MS4A3: variants seen among roughly 807,000 people sequenced by gnomAD.
MS4A3 encodes membrane spanning 4-domains A3, also known as membrane-spanning 4-domains subfamily A member 3.
In MS4A3, 18 loss-of-function variants were observed where a neutral mutation model predicts 24.7. The observed-to-expected ratio is 0.73, with a 90% CI of 0.50 to 1.08. The LOEUF (loss-of-function observed/expected upper bound fraction) is 1.08. MS4A3 is among the 50% of genes least tolerant of loss of function. MS4A3 has a pLI of 0.00. For missense variants in MS4A3, 282 were observed against 251.7 expected (o/e 1.12, Z -0.82); for synonymous variants, 84 against 95.3 (o/e 0.88, Z 0.69).
intron 1 of MS4A3, among the ~76,000 whole-genome samples, chr11:60,060,659 GAAT>G (rs1855257893): frequency 3.3e-5 from 5 of 151,950 alleles, no homozygotes; most frequent in Admixed American, 3.3e-4. Flanking sequence ...TGTGAAACGG[GAAT>G]AATAATAATA....
At chr11:60,069,416 C>G (rs1196285147) in intron 5 of MS4A3, 158 bp from the exon 6 acceptor site, 1 of 516,296 alleles carries the variant, frequency 1.9e-6, no homozygotes, top group African/African-American at 1.9e-5. Flanking sequence ...GAGATACTAT[C>G]TCTTCTACAG....
At chr11:60,069,378 A>G (rs1029584124) in intron 5 of MS4A3, among the ~76,000 whole-genome samples, 196 bp from the exon 6 acceptor site, 2 of 152,228 alleles carry the variant, frequency 1.3e-5, no homozygotes, top group African/African-American at 4.8e-5. Flanking sequence ...CTTTCTCATT[A>G]GAGAAAATGT....
chr11:60,064,009 G>A (rs1392507847), intron 3 of MS4A3, among the ~76,000 whole-genome samples: 1 of 151,414 alleles, frequency 6.6e-6, no homozygotes, highest in Non-Finnish European at 1.5e-5. Context: ...CCCCAATAAC[G>A]TATGGAAATA....
intron 1 of MS4A3, among the ~76,000 whole-genome samples, chr11:60,057,797 T>A (rs1387782682): frequency 6.6e-6 from 1 of 152,194 alleles, no homozygotes; most frequent in South Asian, 2.1e-4. Context: ...TTCTCCCTGA[T>A]TATTTTGATT....
chr11:60,061,771 A>G (rs1404403799), intron 2 of MS4A3, among the ~76,000 whole-genome samples: 1 of 152,172 alleles, frequency 6.6e-6, no homozygotes, highest in African/African-American at 2.4e-5. Flanking sequence ...CCAAACCCCA[A>G]TGTTGTTCAA....
chr11:60,064,425 T>G, intron 4 of MS4A3, 107 bp downstream of exon 4: 1 of 683,284 alleles, frequency 1.5e-6, no homozygotes, highest in South Asian at 2.6e-5. Context: ...CTGAGTATCA[T>G]TTAATGCACA....
intron 1 of MS4A3, among the ~76,000 whole-genome samples, chr11:60,057,841 G>T (rs1288370957): frequency 6.6e-6 from 1 of 152,148 alleles, no homozygotes; most frequent in Non-Finnish European, 1.5e-5. Context: ...AATATGGTTA[G>T]ATATTTGCTC....
Position 60,069,620 on chromosome 11 carries a change from T to G in MS4A3, c.560T>G (p.Val187Gly), listed in dbSNP as rs1219015215. 4.3e-6 allele frequency: 7 copies of G among 1,613,706 alleles called. No individual in the cohort carries two copies. Among genetic ancestry groups the G allele is most frequent in the Non-Finnish European group, 5.9e-6 (7 of 1,179,760 alleles). ...ATTCTCACCTTGCTGGAATTATGCG[T>G]AACCATCTCTACCATAGCCATGTGG... Reference protein sequence around the residue: ...LLILTLLELCVTISTIAMWCN... With the variant: ...LLILTLLELCGTISTIAMWCN... The change falls in exon 6 of 7, where the codon GTA becomes GGA. Residue 187 changes from valine (V) to glycine (G), a missense_variant. Val to Gly is a moderately radical substitution (Grantham distance 109, BLOSUM62 -3). Coordinates refer to ENST00000278865, the MANE Select transcript of MS4A3 (RefSeq NM_006138.5).
At position 60,070,321 on chromosome 11, in the gene MS4A3, C is replaced by T. The variant is rs1855454850; in HGVS notation, c.*88C>T. On this transcript the variant is annotated 3_prime_UTR_variant, in exon 7 of 7. Coordinates refer to ENST00000278865, the MANE Select transcript of MS4A3 (RefSeq NM_006138.5). ...AGCTTCACCCACAAACTCAGGAGAA[C>T]ATAAGCCTGCTCGTAAAGCTCAATC... 1 of 1,074,338 alleles carries T rather than the reference C, an allele frequency of 9.3e-7. No homozygotes were observed. The highest frequency in any genetic ancestry group is 1.9e-5 in the Admixed American group (1 of 51,662). 66.6% of individuals were successfully genotyped at this position (1,074,338 alleles called of 1,614,324 possible).
intron 1 of MS4A3, among the ~76,000 whole-genome samples, chr11:60,056,946 G>A (rs951324918): frequency 1.3e-5 from 2 of 152,156 alleles, no homozygotes; most frequent in African/African-American, 2.4e-5. Context: ...TAATAATACA[G>A]CAATTTCTTT....
Position 60,061,289 on chromosome 11 carries a change from T to A in MS4A3, c.129T>A (p.Tyr43Ter). 6.2e-7 allele frequency: 1 copy of A among 1,610,966 alleles called. No homozygotes were observed. The highest frequency in any genetic ancestry group is 8.5e-7 in the Non-Finnish European group (1 of 1,179,214). The change falls in exon 2 of 7, where the codon TAT becomes TAA. Residue 43 changes from tyrosine to a stop codon, truncating the protein, a stop_gained. Coordinates refer to ENST00000278865, the MANE Select transcript of MS4A3 (RefSeq NM_006138.5). LOFTEE classifies it high-confidence loss of function. ...VYQPIDGSPDYQKAKLQVLGA... is the reference protein window; with the variant it reads ...VYQPIDGSPD ...AGCCCATAGATGGATCACCAGATTA[T>A]CAGAAAGCAAAATTACAAGTTCTTG...
At position 60,070,701 on chromosome 11, in the gene MS4A3, T is replaced by G. The variant is rs1051803747; in HGVS notation, c.*468T>G. ...TGCTTCTTGACTTTAACATCAGCAT[T>G]ATAAAAAGTGTCAAATAAAAAATTA... On this transcript the variant is annotated 3_prime_UTR_variant, in exon 7 of 7. Coordinates refer to ENST00000278865, the MANE Select transcript of MS4A3 (RefSeq NM_006138.5). 7 of 152,770 alleles carry G rather than the reference T, an allele frequency of 4.6e-5. No individual in the cohort carries two copies. Among genetic ancestry groups the G allele is most frequent in the African/African-American group, 1.7e-4 (7 of 41,464 alleles). The allele number at this position is 152,770 out of a possible 1,614,324, so 9.5% of individuals were successfully genotyped here.
chr11:60,067,985 G>A (rs1323394681), intron 5 of MS4A3, among the ~76,000 whole-genome samples: 2 of 151,986 alleles, frequency 1.3e-5, no homozygotes, highest in Admixed American at 1.3e-4. Context: ...CCGGGAGGCG[G>A]AGGTTGCGGT....
chr11:60,064,272 C>A lies in MS4A3; in HGVS notation c.305C>A (p.Ser102Ter). The A allele has an allele frequency of 6.2e-7, 1 of 1,604,424 alleles. No homozygotes were observed. The highest frequency in any genetic ancestry group is 1.1e-5 in the South Asian group (1 of 89,242). ...CCTATTTTCAAACAGTTCTGTAGTT[C>A]AGGAACCTTGTCTGTTGTAGCAGGG... ...PIWGAVFFCS[S>*]GTLSVVAGIK... Residue 102 changes from serine (S) to a stop codon, truncating the protein, a stop_gained, in exon 4 of 7, where the codon TCA (serine) becomes TAA (stop). Transcript: ENST00000278865. LOFTEE classifies it high-confidence loss of function.
chr11:60,067,813 C>T (rs1048413607), intron 5 of MS4A3, among the ~76,000 whole-genome samples: 1 of 151,010 alleles, frequency 6.6e-6, no homozygotes, highest in Non-Finnish European at 1.5e-5. Flanking sequence ...TTTGGGAGGC[C>T]GAGGCAGGCG....
chr11:60,069,508 C>A lies in MS4A3; in HGVS notation c.514-66C>A, dbSNP rs1855439213. On this transcript the variant is annotated intron_variant, in intron 5 of 6. Transcript: ENST00000278865. ...GGAGATGTTGTAGTCTGGTTTCCTG[C>A]TGACATTTTTTTTTTTACCTCTGGA... 3 of 1,099,508 alleles carry A rather than the reference C, an allele frequency of 2.7e-6. No individual in the cohort carries two copies. In the South Asian group the frequency reaches 4.0e-5, roughly 15 times the overall value. The allele number at this position is 1,099,508 out of a possible 1,614,324, so 68.1% of individuals were successfully genotyped here.
At chr11:60,059,259 G>A (rs1170302944) in intron 1 of MS4A3, among the ~76,000 whole-genome samples, 3 of 151,948 alleles carry the variant, frequency 2.0e-5, no homozygotes, top group Admixed American at 2.0e-4. Context: ...CACACCCCCA[G>A]AGTAGAGTAT....
At chr11:60,069,478 G>A (rs188329021) in intron 5 of MS4A3, 96 bp from the exon 6 acceptor site, 6 of 752,530 alleles carry the variant, frequency 8.0e-6, no homozygotes, top group Non-Finnish European at 9.3e-6. Context: ...TCCACTTTAC[G>A]GGAGGGAGAT....
chr11:60,061,577 A>G (rs1013961267), intron 2 of MS4A3: 3 of 496,290 alleles, frequency 6.0e-6, no homozygotes, highest in Admixed American at 2.8e-5. Context: ...TCTCTTTCTT[A>G]TGATTTCCTT....
Sources: gnomAD v4.1 joint callset for allele counts (sites outside exome capture counted in the v4.1 genomes callset) on GRCh38, gnomAD v4.1.1 for gene constraint, MANE v1.5 for transcripts, NCBI Gene and HGNC (gene_info 2026-07-23, HGNC 2026-07-21) for gene names.